BNC2: variants seen among roughly 807,000 people sequenced by gnomAD.
The protein encoded by BNC2 is zinc finger protein basonuclin-2.
BNC2 carries 20 observed loss-of-function variants against 76.3 expected under a neutral mutation model. The observed-to-expected ratio is 0.26, with a 90% CI of 0.18 to 0.38. The LOEUF (loss-of-function observed/expected upper bound fraction) is 0.38, where lower values mean the gene tolerates loss of function less well. Among genes scored for constraint, BNC2 ranks in the 10% least tolerant of loss-of-function variants. The pLI is 1.00. For missense variants in BNC2, 1,382 were observed against 1,399.8 expected (o/e 0.99, Z 0.20); for synonymous variants, 582 against 514.8 (o/e 1.13, Z -1.77).
At chr9:16,710,575 T>G (rs1043979250) in intron 3 of BNC2, among the ~76,000 whole-genome samples, 19 of 152,132 alleles carry the variant, frequency 1.2e-4, no homozygotes, top group African/African-American at 4.6e-4. Flanking sequence ...CAGTGGGAAT[T>G]ATATATATGC....
chr9:16,618,608 A>C (rs1298798759), intron 3 of BNC2, among the ~76,000 whole-genome samples: 1 of 152,188 alleles, frequency 6.6e-6, no homozygotes, highest in East Asian at 1.9e-4. Context: ...AAGAATCTAC[A>C]AGTTCTCCAA....
chr9:16,804,862 G>A (rs1487659688), intron 1 of BNC2, among the ~76,000 whole-genome samples: 1 of 152,104 alleles, frequency 6.6e-6, no homozygotes, highest in Non-Finnish European at 1.5e-5. Context: ...AGGAGTTTGA[G>A]ACCAGCCTGG....
chr9:16,659,555 C>T (rs920144658), intron 3 of BNC2, among the ~76,000 whole-genome samples: 10 of 151,206 alleles, frequency 6.6e-5, no homozygotes, highest in African/African-American at 2.4e-4. Context: ...TTGAAGTTAG[C>T]CGAGATTGCA....
chr9:16,852,166 C>T (rs1256638542), intron 1 of BNC2, among the ~76,000 whole-genome samples: 1 of 152,180 alleles, frequency 6.6e-6, no homozygotes, highest in South Asian at 2.1e-4. Context: ...CCAGATCATG[C>T]TCTATCCAGT....
intron 1 of BNC2, among the ~76,000 whole-genome samples, chr9:16,744,584 T>G (rs2135201862): frequency 6.6e-6 from 1 of 152,332 alleles, no homozygotes; most frequent in Non-Finnish European, 1.5e-5. Context: ...CTAGATTTAC[T>G]TTTATTCTTC....
intron 3 of BNC2, among the ~76,000 whole-genome samples, chr9:16,621,213 C>T (rs2133586630): frequency 6.6e-6 from 1 of 152,222 alleles, no homozygotes; most frequent in Admixed American, 6.5e-5. Flanking sequence ...AAGACTTTGC[C>T]AATTTCTTTT....
At chr9:16,736,198 C>CACT (rs1824663012) in intron 2 of BNC2, among the ~76,000 whole-genome samples, 1 of 148,502 alleles carries the variant, frequency 6.7e-6, no homozygotes, top group African/African-American at 2.5e-5. Context: ...CGCGCCACTG[C>CACT]ACTCCACTCT....
chr9:16,653,891 C>T (rs1012181438), intron 3 of BNC2, among the ~76,000 whole-genome samples: 3 of 152,138 alleles, frequency 2.0e-5, no homozygotes, highest in African/African-American at 7.2e-5. Flanking sequence ...CCAGGAGCTG[C>T]TGTGTTACTG....
At position 16,435,581 on chromosome 9, in the gene BNC2, T is replaced by G; in HGVS notation, c.2613A>C (p.Ala871=). The G allele has an allele frequency of 6.2e-7, 1 of 1,614,074 alleles. No homozygotes were observed. The highest frequency in any genetic ancestry group is 8.5e-7 in the Non-Finnish European group (1 of 1,180,024). Residue 871 remains alanine (A), a synonymous_variant, in exon 6 of 7, where the codon GCA becomes GCC. Coordinates refer to ENST00000380672, the MANE Select transcript of BNC2 (RefSeq NM_017637.6). ...HVCTVAGCNA[A]FPSRRSRDRH... ...TGTCTCGGCTTCGGCGAGAGGGGAA[T>G]GCAGCATTGCAACCAGCCACTGTGC...
In BNC2 at chr9:16,411,648, T is replaced by A. The variant is rs914229479; in HGVS notation, c.*7341A>T. On this transcript the variant is annotated 3_prime_UTR_variant, in exon 7 of 7. Transcript: ENST00000380672. ...TTTGCTCGAACCCAAGAGTCCTTGCTCAAAGTGCTTTTCTTCCCAGTCCCC... is the reference window on the plus strand; with the variant it reads ...TTTGCTCGAACCCAAGAGTCCTTGCACAAAGTGCTTTTCTTCCCAGTCCCC... The A allele has an allele frequency of 6.6e-6, 1 of 152,644 alleles. No homozygotes were observed. Among genetic ancestry groups the A allele is most frequent in the Non-Finnish European group, 1.5e-5 (1 of 68,036 alleles). 9.5% of individuals were successfully genotyped at this position (152,644 alleles called of 1,614,324 possible).
intron 1 of BNC2, among the ~76,000 whole-genome samples, chr9:16,769,375 G>A (rs1825775449): frequency 1.3e-5 from 2 of 152,106 alleles, no homozygotes; most frequent in Admixed American, 1.3e-4. Flanking sequence ...CACAACAACA[G>A]GTTAAAGAAG....
chr9:16,726,553 G>C (rs1258673005), intron 3 of BNC2, among the ~76,000 whole-genome samples: 2 of 52,104 alleles, frequency 3.8e-5, no homozygotes, highest in African/African-American at 6.0e-5. Flanking sequence ...ACAAACAAAA[G>C]CTTTTTAAAA....
At chr9:16,613,303 CTG>C (rs1190366871) in intron 3 of BNC2, among the ~76,000 whole-genome samples, 2 of 152,120 alleles carry the variant, frequency 1.3e-5, no homozygotes, top group Admixed American at 6.6e-5. Context: ...GGAAAACGTA[CTG>C]TGTTAAAGAA....
In BNC2 at chr9:16,855,899, A is replaced by G. The variant is rs552566977; in HGVS notation, c.3+14747T>C. 5.3e-5 allele frequency among the ~76,000 whole-genome samples: 8 copies of G among 152,170 alleles called. No individual in the cohort carries two copies. In the South Asian group the frequency reaches 1.7e-3, roughly 32 times the overall value. On this transcript the variant is annotated intron_variant, in intron 1 of 6. Coordinates refer to ENST00000380672, the MANE Select transcript of BNC2 (RefSeq NM_017637.6). ...GTACACAATTGTCTAATGTTGTTTCATGGAAATCTGCAGCAAGTTATTCCA... is the reference window on the plus strand; with the variant it reads ...GTACACAATTGTCTAATGTTGTTTCGTGGAAATCTGCAGCAAGTTATTCCA...
chr9:16,794,209 G>A (rs1003753173), intron 1 of BNC2, among the ~76,000 whole-genome samples: 3 of 152,092 alleles, frequency 2.0e-5, no homozygotes, highest in Non-Finnish European at 2.9e-5. Flanking sequence ...ATTTCAAGCA[G>A]TGATGTGTTT....
At chr9:16,682,315 T>TTTTTTTTTTTTTTTTTTTTTTGAG (rs1294621121) in intron 3 of BNC2, among the ~76,000 whole-genome samples, 1 of 150,140 alleles carries the variant, frequency 6.7e-6, no homozygotes, top group African/African-American at 2.5e-5. Flanking sequence ...CATAGGAATT[T>TTTTTTTTTTTTTTTTTTTTTTGAG]AAATCCGTTC....
intron 3 of BNC2, among the ~76,000 whole-genome samples, chr9:16,724,966 A>G (rs1425717065): frequency 6.6e-6 from 1 of 152,106 alleles, no homozygotes; most frequent in Non-Finnish European, 1.5e-5. Context: ...AACTTTAAAA[A>G]AAATAACCCA....
At chr9:16,497,450 C>T (rs1822413237) in intron 5 of BNC2, among the ~76,000 whole-genome samples, 1 of 152,102 alleles carries the variant, frequency 6.6e-6, no homozygotes, top group South Asian at 2.1e-4. Flanking sequence ...TACATATTCT[C>T]TAATTCATGA....
intron 1 of BNC2, among the ~76,000 whole-genome samples, chr9:16,852,038 G>A (rs1290396292): frequency 2.6e-5 from 4 of 152,112 alleles, no homozygotes; most frequent in African/African-American, 9.7e-5. Flanking sequence ...TGAAGAGTGG[G>A]AACAGATTTT....
Sources: gnomAD v4.1 joint callset for allele counts (sites outside exome capture counted in the v4.1 genomes callset) on GRCh38, gnomAD v4.1.1 for gene constraint, MANE v1.5 for transcripts, NCBI Gene and HGNC (gene_info 2026-07-23, HGNC 2026-07-21) for gene names.